Variants in DLG2 observed in about 807,000 individuals in gnomAD.
The protein encoded by DLG2 is disks large homolog 2.
DLG2 carries 45 observed loss-of-function variants against 132.5 expected under a neutral mutation model. The observed-to-expected ratio is 0.34, with a 90% confidence interval of 0.27 to 0.44. DLG2 has a LOEUF of 0.44. Ranked by LOEUF, DLG2 falls within the 20% of genes least tolerant of loss-of-function variation. DLG2 has a pLI of 1.00. For synonymous variants in DLG2, 424 were observed against 419.6 expected (o/e 1.01, Z -0.13); for missense variants, 1,045 against 1,196.9 (o/e 0.87, Z 1.87).
chr11:84,384,664 A>T (rs2098761781), intron 7 of DLG2, among the ~76,000 whole-genome samples: 1 of 151,738 alleles, frequency 6.6e-6, no homozygotes, highest in South Asian at 2.1e-4. Context: ...AACTATATTA[A>T]ATATATATAT....
rs189495419 is a variant in DLG2, at chr11:85,581,479, G to A, written c.40+17178C>T. Among the ~76,000 whole-genome samples the A allele has an allele frequency of 4.2e-3, 632 of 151,996 alleles. 3 individuals are homozygous for A. Among genetic ancestry groups the A allele is most frequent in the African/African-American group, 0.015 (604 of 41,466 alleles). ...CAAAAAAAAAAAAAATTAGCTGGGCGTGGTGGCGTGCACCTGTAGTCCTAG... is the reference window on the plus strand; with the variant it reads ...CAAAAAAAAAAAAAATTAGCTGGGCATGGTGGCGTGCACCTGTAGTCCTAG... On this transcript the variant is annotated intron_variant, in intron 3 of 27. Coordinates refer to ENST00000376104, the MANE Select transcript of DLG2 (RefSeq NM_001142699.3).
chr11:85,283,270 T>C (rs2078347688), intron 4 of DLG2, among the ~76,000 whole-genome samples: 1 of 151,574 alleles, frequency 6.6e-6, no homozygotes, highest in Admixed American at 6.6e-5. Context: ...TAATTACTTT[T>C]TTAAAAAAAA....
chr11:83,482,080 A>G (rs1287387770), intron 22 of DLG2, among the ~76,000 whole-genome samples: 2 of 152,138 alleles, frequency 1.3e-5, no homozygotes, highest in Admixed American at 6.6e-5. Flanking sequence ...CTAATTCAGG[A>G]AAAATTTTCT....
At chr11:83,850,928 C>G (rs7114645) in intron 16 of DLG2, among the ~76,000 whole-genome samples, 5 of 151,922 alleles carry the variant, frequency 3.3e-5, no homozygotes, top group Admixed American at 6.5e-5. Flanking sequence ...TGTAATCCCA[C>G]TACTTTGGGA....
At chr11:85,240,613 T>C (rs1362264994) in intron 4 of DLG2, among the ~76,000 whole-genome samples, 2 of 151,850 alleles carry the variant, frequency 1.3e-5, no homozygotes, top group African/African-American at 2.4e-5. Flanking sequence ...AAGCTGAGGA[T>C]CCACCTTTAT....
At chr11:83,899,758 C>T (rs2072888630) in intron 15 of DLG2, among the ~76,000 whole-genome samples, 1 of 152,126 alleles carries the variant, frequency 6.6e-6, no homozygotes. Context: ...ATGTCTTTAT[C>T]AGCAGCATGA....
chr11:84,515,311 A>C (rs1320162734), intron 7 of DLG2, among the ~76,000 whole-genome samples: 2 of 150,246 alleles, frequency 1.3e-5, no homozygotes, highest in African/African-American at 4.9e-5. Context: ...ACACACACAC[A>C]CACACCCCAA....
chr11:85,277,149 T>C (rs1269847975), intron 4 of DLG2, among the ~76,000 whole-genome samples: 2 of 152,160 alleles, frequency 1.3e-5, no homozygotes, highest in African/African-American at 4.8e-5. Flanking sequence ...GCTAAGGAGA[T>C]GGCACAATAA....
At chr11:85,596,880 T>C (rs577484231) in intron 3 of DLG2, among the ~76,000 whole-genome samples, 2 of 152,238 alleles carry the variant, frequency 1.3e-5, no homozygotes, top group Non-Finnish European at 2.9e-5. Context: ...GGTGCCCACA[T>C]TGAATTCAAA....
intron 7 of DLG2, among the ~76,000 whole-genome samples, chr11:84,264,987 T>A (rs1224024170): frequency 6.6e-6 from 1 of 152,186 alleles, no homozygotes; most frequent in East Asian, 1.9e-4. Context: ...ATTTTAATAC[T>A]AGTCTAATTT....
At chr11:83,529,342 A>C (rs1343291133) in intron 21 of DLG2, among the ~76,000 whole-genome samples, 1 of 152,064 alleles carries the variant, frequency 6.6e-6, no homozygotes, top group Non-Finnish European at 1.5e-5. Flanking sequence ...TCCTTTCCTC[A>C]GTGCATTTTA....
intron 6 of DLG2, chr11:84,546,425 T>G (rs1376490282): frequency 4.4e-6 from 1 of 227,148 alleles, no homozygotes; most frequent in Non-Finnish European, 9.1e-6. Context: ...GAAAGAACCA[T>G]GAGCCAATTA....
intron 18 of DLG2, among the ~76,000 whole-genome samples, chr11:83,689,961 AATATATATTTATATT>A (rs898624613): frequency 3.2e-5 from 4 of 126,634 alleles, no homozygotes; most frequent in Admixed American, 7.8e-5. Context: ...ATATTTATAT[AATATATATTTATATT>A]ATAATATATT....
At chr11:84,975,988 CTCTT>C (rs1262191161) in intron 6 of DLG2, among the ~76,000 whole-genome samples, 1 of 152,174 alleles carries the variant, frequency 6.6e-6, no homozygotes, top group Non-Finnish European at 1.5e-5. Flanking sequence ...ACCTTGCAAA[CTCTT>C]TCTTATTCTT....
intron 3 of DLG2, among the ~76,000 whole-genome samples, chr11:85,360,106 T>C (rs918870844): frequency 6.6e-6 from 1 of 152,190 alleles, no homozygotes; most frequent in Non-Finnish European, 1.5e-5. Context: ...AAGGATTCAG[T>C]TGGACGGAAA....
chr11:85,543,334 G>A (rs781081655), intron 3 of DLG2, among the ~76,000 whole-genome samples: 2 of 152,166 alleles, frequency 1.3e-5, no homozygotes, highest in African/African-American at 2.4e-5. Flanking sequence ...TTTTATGGCT[G>A]CTTAGTATTC....
chr11:84,839,228 G>A (rs187886716), intron 6 of DLG2, among the ~76,000 whole-genome samples: 83 of 152,224 alleles, frequency 5.5e-4, no homozygotes, highest in African/African-American at 1.9e-3. Flanking sequence ...AATCATGAGT[G>A]AATTCCCATT....
intron 6 of DLG2, among the ~76,000 whole-genome samples, chr11:84,601,517 G>C (rs918252990): frequency 6.6e-6 from 1 of 151,920 alleles, no homozygotes; most frequent in Non-Finnish European, 1.5e-5. Flanking sequence ...ATGTTGAAGA[G>C]AGCATGACTT....
intron 19 of DLG2, among the ~76,000 whole-genome samples, chr11:83,543,291 G>A (rs78538180): frequency 6.6e-6 from 1 of 152,166 alleles, no homozygotes; most frequent in Non-Finnish European, 1.5e-5. Context: ...GCCCACTCCT[G>A]AAGCTATCAC....
Sources: allele counts gnomAD v4.1 joint callset (sites outside exome capture counted in the v4.1 genomes callset), GRCh38; gene constraint gnomAD v4.1.1; transcripts MANE v1.5; gene names NCBI Gene and HGNC (gene_info 2026-07-23, HGNC 2026-07-21).